DYM: variants seen among roughly 807,000 people sequenced by gnomAD.
The protein encoded by DYM is dyggve-Melchior-Clausen syndrome protein.
In DYM, 78 loss-of-function variants were observed where a neutral mutation model predicts 93.1. That is an observed-to-expected ratio of 0.84 (90% CI 0.70 to 1.01). The LOEUF (loss-of-function observed/expected upper bound fraction) is 1.01. Ranked by LOEUF, DYM falls within the 50% of genes least tolerant of loss-of-function variation. The pLI, the probability that DYM is intolerant of heterozygous loss-of-function variation, is 0.00. For synonymous variants in DYM, 321 were observed against 319.7 expected (o/e 1.00, Z -0.04); for missense variants, 789 against 845.0 (o/e 0.93, Z 0.82).
At chr18:49,277,466 C>G (rs115579249) in intron 10 of DYM, among the ~76,000 whole-genome samples, 1 of 152,070 alleles carries the variant, frequency 6.6e-6, no homozygotes, top group Non-Finnish European at 1.5e-5. Context: ...TGTAGATATA[C>G]GAACTGCACG....
chr18:49,139,543 T>G (rs1198005193), intron 15 of DYM, among the ~76,000 whole-genome samples: 6 of 152,136 alleles, frequency 3.9e-5, no homozygotes. Context: ...TCCTCTAAAA[T>G]AAATGACTGA....
chr18:49,411,546 T>C (rs149252345), intron 2 of DYM, among the ~76,000 whole-genome samples: 116 of 152,296 alleles, frequency 7.6e-4, no homozygotes, highest in African/African-American at 2.6e-3. Flanking sequence ...ACCGTTCTCA[T>C]ATATGAATCT....
At chr18:49,329,102 C>T (rs912374892) in intron 8 of DYM, among the ~76,000 whole-genome samples, 1 of 151,878 alleles carries the variant, frequency 6.6e-6, no homozygotes, top group Non-Finnish European at 1.5e-5. Flanking sequence ...TACTCTGCAG[C>T]CATAAAAAAG....
At chr18:49,150,293 A>G (rs1270596517) in intron 15 of DYM, among the ~76,000 whole-genome samples, 22 of 152,216 alleles carry the variant, frequency 1.4e-4, no homozygotes, top group Admixed American at 1.4e-3. Context: ...ATGTGTTCCC[A>G]CTCAAATTCA....
intron 17 of DYM, among the ~76,000 whole-genome samples, chr18:49,074,403 T>G (rs2077134458): frequency 6.6e-6 from 1 of 152,210 alleles, no homozygotes; most frequent in Non-Finnish European, 1.5e-5. Flanking sequence ...ATTATGGACT[T>G]GAGCATCTGT....
At chr18:49,457,268 C>T (rs546110914) in intron 1 of DYM, among the ~76,000 whole-genome samples, 7 of 152,282 alleles carry the variant, frequency 4.6e-5, no homozygotes, top group African/African-American at 1.7e-4. Flanking sequence ...GAGTCCCTGC[C>T]TTCTCATCCT....
At chr18:49,094,888 G>A (rs913754451) in intron 17 of DYM, among the ~76,000 whole-genome samples, 29 of 152,120 alleles carry the variant, frequency 1.9e-4, no homozygotes, top group Non-Finnish European at 3.2e-4. Flanking sequence ...AGTAAGGGGC[G>A]CTGTGATCCT....
rs1048851892 is a variant in DYM at position 49,043,203 on chromosome 18, C to G, written c.*852G>C. ...GGAGTGTACTGGCACGTTCTTAGCT[C>G]ACTGCAGCCTTGAACTCCTGGGCTC... On this transcript the variant is annotated 3_prime_UTR_variant, in exon 18 of 18. Transcript: ENST00000675505. 1.3e-5 allele frequency: 2 copies of G among 151,528 alleles called. No individual in the cohort carries two copies. The highest frequency in any genetic ancestry group is 2.9e-5 in the Non-Finnish European group (2 of 67,972). The allele number at this position is 151,528 out of a possible 1,614,324, so 9.4% of individuals were successfully genotyped here.
intron 14 of DYM, among the ~76,000 whole-genome samples, chr18:49,191,733 T>C (rs1032087662): frequency 2.0e-5 from 3 of 152,190 alleles, no homozygotes; most frequent in African/African-American, 7.2e-5. Context: ...TAGACACAAA[T>C]ATAATTTAGA....
intron 14 of DYM, among the ~76,000 whole-genome samples, chr18:49,164,516 G>A (rs1034844200): frequency 6.6e-6 from 1 of 152,210 alleles, no homozygotes; most frequent in African/African-American, 2.4e-5. Context: ...GCAGTGTTGT[G>A]CTGAGCTAAG....
intron 15 of DYM, among the ~76,000 whole-genome samples, chr18:49,140,769 T>C (rs1568483463): frequency 6.6e-6 from 1 of 152,192 alleles, no homozygotes; most frequent in Non-Finnish European, 1.5e-5. Context: ...AGAATGAGAA[T>C]AATAAATTTC....
intron 1 of DYM, among the ~76,000 whole-genome samples, chr18:49,439,345 A>C (rs1039452263): frequency 1.3e-5 from 2 of 152,212 alleles, no homozygotes; most frequent in African/African-American, 4.8e-5. Context: ...ACTCAATCTT[A>C]ACATGTGCAA....
intron 16 of DYM, among the ~76,000 whole-genome samples, chr18:49,104,484 G>A (rs182638241): frequency 1.0e-3 from 159 of 152,182 alleles, no homozygotes; most frequent in Admixed American, 3.7e-3. Context: ...CATCCCTGTC[G>A]TGTGCCAGTT....
intron 13 of DYM, among the ~76,000 whole-genome samples, chr18:49,214,909 T>C (rs548616789): frequency 1.3e-5 from 2 of 152,276 alleles, no homozygotes; most frequent in East Asian, 3.9e-4. Flanking sequence ...GATCTCAGAA[T>C]CACAGGGCTG....
chr18:49,073,706 T>A (rs1599536105), intron 17 of DYM, among the ~76,000 whole-genome samples: 1 of 152,194 alleles, frequency 6.6e-6, no homozygotes, highest in Admixed American at 6.5e-5. Context: ...GAGGCTAATT[T>A]CACCCACCGA....
At chr18:49,373,264 G>C (rs1449257515) in intron 5 of DYM, among the ~76,000 whole-genome samples, 1 of 152,102 alleles carries the variant, frequency 6.6e-6, no homozygotes, top group African/African-American at 2.4e-5. Context: ...GTGAAAGCAA[G>C]TTTATTAAGA....
intron 8 of DYM, among the ~76,000 whole-genome samples, chr18:49,291,479 AT>A (rs1379911916): frequency 2.0e-5 from 3 of 152,182 alleles, no homozygotes; most frequent in Admixed American, 2.0e-4. Flanking sequence ...AGGAGCTGTT[AT>A]GGGGGAAGGG....
intron 8 of DYM, 23 bp downstream of exon 8, chr18:49,331,841 T>A: frequency 1.2e-6 from 2 of 1,613,718 alleles, no homozygotes; most frequent in South Asian, 2.2e-5. Context: ...ACCAAAGAAT[T>A]GAAAAAATCT....
intron 17 of DYM, among the ~76,000 whole-genome samples, chr18:49,066,446 G>T (rs1314691050): frequency 6.6e-6 from 1 of 152,224 alleles, no homozygotes; most frequent in Non-Finnish European, 1.5e-5. Context: ...GTTTGGCTGT[G>T]ATTCATTCAC....
Sources: gnomAD v4.1 joint callset for allele counts (sites outside exome capture counted in the v4.1 genomes callset) on GRCh38, gnomAD v4.1.1 for gene constraint, MANE v1.5 for transcripts, NCBI Gene and HGNC (gene_info 2026-07-23, HGNC 2026-07-21) for gene names.